Variants in GPM6A observed in about 807,000 individuals in gnomAD.
GPM6A encodes the protein glycoprotein M6A, also known as neuronal membrane glycoprotein M6-a.
GPM6A carries 7 observed loss-of-function variants against 32.1 expected under a neutral mutation model. The observed-to-expected ratio is 0.22, with a 90% CI of 0.12 to 0.41. The LOEUF (loss-of-function observed/expected upper bound fraction) is 0.41, where lower values mean the gene tolerates loss of function less well. GPM6A is among the 10% of genes least tolerant of loss of function. The pLI is 1.00. For missense variants in GPM6A, 235 were observed against 347.2 expected (o/e 0.68, Z 2.57); for synonymous variants, 130 against 123.4 (o/e 1.05, Z -0.35).
At chr4:175,642,177 C>T (rs1011797427) in intron 4 of GPM6A, 7 of 152,138 alleles carry the variant, frequency 4.6e-5, no homozygotes, top group Non-Finnish European at 8.8e-5. Flanking sequence ...ACAGCCTTTC[C>T]TTTCTGCCAA....
chr4:175,707,066 CA>C (rs1214173986), intron 1 of GPM6A, among the ~76,000 whole-genome samples: 2 of 152,168 alleles, frequency 1.3e-5, no homozygotes, highest in Admixed American at 6.5e-5. Flanking sequence ...CCCCTTTCCC[CA>C]AAAACTCATG....
chr4:175,830,484 T>C (rs1196210412), intron 1 of GPM6A, among the ~76,000 whole-genome samples: 3 of 152,214 alleles, frequency 2.0e-5, no homozygotes, highest in African/African-American at 7.2e-5. Context: ...TTCACACATA[T>C]ATCATCCCAT....
rs1274068207 is a variant in GPM6A, at chr4:175,633,217, A to G, written c.*1688T>C. On this transcript the variant is annotated 3_prime_UTR_variant, in exon 7 of 7. Coordinates refer to ENST00000393658, the MANE Select transcript of GPM6A (RefSeq NM_201591.3). ...AATACTATAATATAGAATTTAAAGA[A>G]GCCCATTAATACTTTTGCTGAATAT... 7.2e-5 allele frequency: 11 copies of G among 152,518 alleles called. No individual in the cohort carries two copies. The highest frequency in any genetic ancestry group is 7.2e-4 in the Admixed American group (11 of 15,270). The allele number at this position is 152,518 out of a possible 1,614,324, so 9.4% of individuals were successfully genotyped here.
At chr4:175,925,879 T>C (rs1738824041) in intron 1 of GPM6A, among the ~76,000 whole-genome samples, 2 of 146,460 alleles carry the variant, frequency 1.4e-5, no homozygotes, top group Admixed American at 7.0e-5. Flanking sequence ...TGAGAGAGAG[T>C]CTCATTCTGT....
At chr4:175,933,795 C>A (rs1307566211) in intron 1 of GPM6A, among the ~76,000 whole-genome samples, 1 of 152,136 alleles carries the variant, frequency 6.6e-6, no homozygotes, top group South Asian at 2.1e-4. Flanking sequence ...CCGCCCTCCT[C>A]GGCCTCCCAA....
intron 1 of GPM6A, among the ~76,000 whole-genome samples, chr4:175,728,322 TA>T (rs1346480360): frequency 3.3e-5 from 5 of 152,100 alleles, no homozygotes; most frequent in Non-Finnish European, 7.4e-5. Context: ...ATTTAAAAAT[TA>T]AAAAAACTAA....
chr4:175,900,876 G>A (rs1232713591), intron 1 of GPM6A, among the ~76,000 whole-genome samples: 1 of 152,154 alleles, frequency 6.6e-6, no homozygotes. Context: ...CAACCTACAT[G>A]TCCATCAACA....
At chr4:175,924,839 CAA>C (rs1190915755) in intron 1 of GPM6A, among the ~76,000 whole-genome samples, 21 of 61,986 alleles carry the variant, frequency 3.4e-4, no homozygotes, top group African/African-American at 5.9e-4. Context: ...AAATCTGTCT[CAA>C]AAAAAAAAAA....
At chr4:175,711,919 T>A (rs1449045084) in intron 1 of GPM6A, among the ~76,000 whole-genome samples, 3 of 152,040 alleles carry the variant, frequency 2.0e-5, no homozygotes, top group Non-Finnish European at 4.4e-5. Flanking sequence ...CAAGAACAGT[T>A]TTTTCCTACA....
intron 1 of GPM6A, among the ~76,000 whole-genome samples, chr4:175,777,870 T>C (rs1236939174): frequency 6.6e-6 from 1 of 152,228 alleles, no homozygotes; most frequent in Non-Finnish European, 1.5e-5. Context: ...CCTCAGATTA[T>C]ATGATAGGAA....
At chr4:175,890,377 T>C (rs1399920800) in intron 1 of GPM6A, among the ~76,000 whole-genome samples, 12 of 152,158 alleles carry the variant, frequency 7.9e-5, no homozygotes, top group Admixed American at 6.5e-5. Context: ...CTACCTATAA[T>C]AGCAAAACAG....
At chr4:175,865,055 C>T (rs985090785) in intron 1 of GPM6A, among the ~76,000 whole-genome samples, 1 of 152,152 alleles carries the variant, frequency 6.6e-6, no homozygotes, top group Non-Finnish European at 1.5e-5. Flanking sequence ...AAATGAGCCA[C>T]CTGCCTCGGC....
intron 1 of GPM6A, among the ~76,000 whole-genome samples, chr4:175,941,755 G>A (rs1340452588): frequency 6.6e-6 from 1 of 152,186 alleles, no homozygotes; most frequent in Non-Finnish European, 1.5e-5. Flanking sequence ...TGGTGTACAT[G>A]TGCCACATTT....
intron 1 of GPM6A, among the ~76,000 whole-genome samples, chr4:175,754,979 GCACACAA>G (rs1732474146): frequency 2.0e-5 from 3 of 151,258 alleles, no homozygotes; most frequent in Admixed American, 2.0e-4. Context: ...CAACACACAC[GCACACAA>G]TTACACATTT....
chr4:175,696,950 T>C (rs1382413289), intron 2 of GPM6A, among the ~76,000 whole-genome samples: 1 of 152,168 alleles, frequency 6.6e-6, no homozygotes, highest in Non-Finnish European at 1.5e-5. Context: ...CTGATTTATT[T>C]TGTTTTAGGT....
chr4:175,806,508 C>T (rs1266775893), intron 1 of GPM6A, among the ~76,000 whole-genome samples: 2 of 152,122 alleles, frequency 1.3e-5, no homozygotes, highest in Non-Finnish European at 2.9e-5. Context: ...TATTTTGGAT[C>T]TCTGAGATAA....
At chr4:175,912,331 AC>A (rs1297252120) in intron 1 of GPM6A, among the ~76,000 whole-genome samples, 1 of 152,062 alleles carries the variant, frequency 6.6e-6, no homozygotes, top group Non-Finnish European at 1.5e-5. Flanking sequence ...TGATTTATAT[AC>A]CACTTCTGAG....
intron 1 of GPM6A, among the ~76,000 whole-genome samples, chr4:175,775,250 G>C (rs1263851624): frequency 1.3e-5 from 2 of 151,974 alleles, no homozygotes; most frequent in African/African-American, 4.8e-5. Flanking sequence ...TAAAATTTCA[G>C]AAAATTAAAA....
intron 2 of GPM6A, among the ~76,000 whole-genome samples, chr4:175,686,844 A>G (rs1744007743): frequency 6.6e-6 from 1 of 152,234 alleles, no homozygotes; most frequent in Admixed American, 6.5e-5. Context: ...TGTCTAATGC[A>G]CTTGTATGCT....
Sources: allele counts gnomAD v4.1 joint callset (sites outside exome capture counted in the v4.1 genomes callset), GRCh38; gene constraint gnomAD v4.1.1; transcripts MANE v1.5; gene names NCBI Gene and HGNC (gene_info 2026-07-23, HGNC 2026-07-21).